Variants in FZD3 observed in about 807,000 individuals in gnomAD.
FZD3 encodes the protein frizzled class receptor 3.
Under a neutral mutation model 60.7 loss-of-function variants are expected in FZD3, and 30 were observed. That is an observed-to-expected ratio of 0.49 (90% confidence interval 0.37 to 0.67). The LOEUF (loss-of-function observed/expected upper bound fraction) is 0.67. Ranked by LOEUF, FZD3 falls within the 30% of genes least tolerant of loss-of-function variation. The probability of loss-of-function intolerance (pLI) is 0.00; values close to 1 mark genes in which losing one functional copy is unlikely to be tolerated. For missense variants in FZD3, 605 were observed against 838.7 expected, an observed-to-expected ratio of 0.72 and a Z score of 3.44; for synonymous variants, 246 against 275.2, an observed-to-expected ratio of 0.89 and a Z score of 1.05.
chr8:28,504,295 A>C (rs1316146318), intron 3 of FZD3, among the ~76,000 whole-genome samples: 1 of 152,188 alleles, frequency 6.6e-6, no homozygotes. Context: ...ACGAGGTCTA[A>C]GTGGTTGAAG....
At chr8:28,541,767 G>A (rs190786537) in intron 5 of FZD3, among the ~76,000 whole-genome samples, 3 of 152,156 alleles carry the variant, frequency 2.0e-5, no homozygotes, top group East Asian at 1.9e-4. Context: ...TTCCTGCATC[G>A]CGTTCCCAGT....
intron 5 of FZD3, among the ~76,000 whole-genome samples, chr8:28,529,491 G>C (rs1804806540): frequency 6.6e-6 from 1 of 152,144 alleles, no homozygotes; most frequent in Admixed American, 6.6e-5. Context: ...GTAGATGATA[G>C]TAATGATATT....
chr8:28,521,478 T>C (rs762593165), intron 4 of FZD3, among the ~76,000 whole-genome samples: 22 of 152,178 alleles, frequency 1.4e-4, no homozygotes, highest in Non-Finnish European at 2.9e-4. Flanking sequence ...CTTATGTATC[T>C]ATTATTATCT....
rs1364200354 is a variant in FZD3, at chr8:28,569,012, A to G, written c.*6001A>G. The G allele has an allele frequency of 6.6e-6, 1 of 152,032 alleles. No homozygotes were observed. The highest frequency in any genetic ancestry group is 1.5e-5 in the Non-Finnish European group (1 of 67,994). 9.4% of individuals were successfully genotyped at this position (152,032 alleles called of 1,614,324 possible). A position where few individuals can be genotyped will look rare whatever the true frequency, so the allele number is the denominator to read the frequency against. On this transcript the variant is annotated 3_prime_UTR_variant, in exon 8 of 8. Coordinates refer to ENST00000240093, the MANE Select transcript of FZD3 (RefSeq NM_017412.4). ...CTGTTTCATTATTTTGCTAATTACCATTAACTAGTAAAGTTAGTTTTTAAA... is the reference window on the plus strand; with the variant it reads ...CTGTTTCATTATTTTGCTAATTACCGTTAACTAGTAAAGTTAGTTTTTAAA...
chr8:28,519,376 A>G (rs1314544617), intron 3 of FZD3, among the ~76,000 whole-genome samples: 1 of 152,092 alleles, frequency 6.6e-6, no homozygotes, highest in South Asian at 2.1e-4. Context: ...TTTTTCCCTT[A>G]ATATTAGCTT....
At chr8:28,555,596 C>T in intron 6 of FZD3, 142 bp from the exon 7 acceptor site, 1 of 621,996 alleles carries the variant, frequency 1.6e-6, no homozygotes, top group Non-Finnish European at 2.9e-6. Context: ...CCTCTGTCAA[C>T]AATGTTTCTT....
intron 4 of FZD3, among the ~76,000 whole-genome samples, chr8:28,521,807 T>G (rs1289354388): frequency 6.6e-6 from 1 of 152,232 alleles, no homozygotes; most frequent in Non-Finnish European, 1.5e-5. Context: ...TGTGTTAATA[T>G]CCTACAGTTA....
chr8:28,504,645 C>G (rs941164239), intron 3 of FZD3, among the ~76,000 whole-genome samples: 1 of 152,132 alleles, frequency 6.6e-6, no homozygotes, highest in Non-Finnish European at 1.5e-5. Flanking sequence ...TAATGATACA[C>G]CTTGAAGGGC....
chr8:28,558,903 T>C (rs1007838481), intron 7 of FZD3, among the ~76,000 whole-genome samples: 1 of 152,142 alleles, frequency 6.6e-6, no homozygotes, highest in Non-Finnish European at 1.5e-5. Context: ...AAGATGTAAT[T>C]TATGCATTCT....
chr8:28,519,625 G>A (rs1028864587), intron 3 of FZD3, among the ~76,000 whole-genome samples: 6 of 151,736 alleles, frequency 4.0e-5, no homozygotes, highest in Non-Finnish European at 8.8e-5. Flanking sequence ...AGCTACTCAG[G>A]AGGCTGAGGT....
chr8:28,512,495 T>G (rs1341502680), intron 3 of FZD3, among the ~76,000 whole-genome samples: 1 of 152,172 alleles, frequency 6.6e-6, no homozygotes, highest in African/African-American at 2.4e-5. Flanking sequence ...TCATTTTTTT[T>G]TTTAATTATA....
intron 1 of FZD3, among the ~76,000 whole-genome samples, chr8:28,498,767 G>C (rs1198124362): frequency 6.6e-6 from 1 of 152,110 alleles, no homozygotes; most frequent in Non-Finnish European, 1.5e-5. Context: ...TTTTTGCCGT[G>C]TTGGCCAGGC....
chr8:28,553,757 G>A (rs562291893), intron 6 of FZD3, among the ~76,000 whole-genome samples: 23 of 152,248 alleles, frequency 1.5e-4, no homozygotes, highest in African/African-American at 1.2e-4. Context: ...ATTCAAGAGC[G>A]TGGGCACCCT....
At chr8:28,520,221 C>CAAAAAAAAAAAAAAAAAAA (rs199633141) in intron 3 of FZD3, among the ~76,000 whole-genome samples, 1 of 131,046 alleles carries the variant, frequency 7.6e-6, no homozygotes, top group East Asian at 2.2e-4. Context: ...AAAAAAACAA[C>CAAAAAAAAAAAAAAAAAAA]AAAAAAAAAA....
chr8:28,517,334 C>CT (rs1462230690), intron 3 of FZD3, among the ~76,000 whole-genome samples: 1 of 152,120 alleles, frequency 6.6e-6, no homozygotes, highest in Admixed American at 6.6e-5. Context: ...GGTAATATGT[C>CT]TTTTTTCCAC....
In FZD3 at chr8:28,567,050, T is replaced by C. The variant is rs1325069796; in HGVS notation, c.*4039T>C. ...AGGCTGGAGAGCAGTGGCATAATCA[T>C]AGTTCATTATAACCTTGAACTCCTA... On this transcript the variant is annotated 3_prime_UTR_variant, in exon 8 of 8. Transcript: ENST00000240093. 1 of 152,218 alleles carries C rather than the reference T, an allele frequency of 6.6e-6. No individual in the cohort carries two copies. The highest frequency in any genetic ancestry group is 1.5e-5 in the Non-Finnish European group (1 of 68,060). The allele number at this position is 152,218 out of a possible 1,614,324, so 9.4% of individuals were successfully genotyped here.
rs1805647480 is a variant in FZD3, at chr8:28,563,215, A to G, written c.*204A>G. ...CATCCAAAACACTAAGAATTCTATC[A>G]TCACAAAAATAATTCGTCTTTCTAG... On this transcript the variant is annotated 3_prime_UTR_variant, in exon 8 of 8. Transcript: ENST00000240093. 2 of 541,096 alleles carry G rather than the reference A, an allele frequency of 3.7e-6. No individual in the cohort carries two copies. Among genetic ancestry groups the G allele is most frequent in the Non-Finnish European group, 6.7e-6 (2 of 299,786 alleles). The allele number at this position is 541,096 out of a possible 1,614,324, so 33.5% of individuals were successfully genotyped here.
intron 3 of FZD3, among the ~76,000 whole-genome samples, chr8:28,511,530 G>C (rs1047130281): frequency 6.6e-6 from 1 of 152,152 alleles, no homozygotes; most frequent in African/African-American, 2.4e-5. Context: ...TCCTTGCCTA[G>C]AGGATCAAAT....
chr8:28,532,653 A>G (rs1277803323), intron 5 of FZD3, among the ~76,000 whole-genome samples: 1 of 151,158 alleles, frequency 6.6e-6, no homozygotes, highest in Non-Finnish European at 1.5e-5. Context: ...GTCTTAAGTG[A>G]TCCTTCCACC....
Sources: allele counts gnomAD v4.1 joint callset (sites outside exome capture counted in the v4.1 genomes callset), GRCh38; gene constraint gnomAD v4.1.1; transcripts MANE v1.5; gene names NCBI Gene and HGNC (gene_info 2026-07-23, HGNC 2026-07-21).